The following CEL variants were observed in gnomAD, a reference collection of about 807,000 sequenced individuals.
The protein encoded by CEL is bile salt-activated lipase.
A neutral mutation model predicts 57.1 loss-of-function variants in CEL; 39 were observed. The ratio of observed to expected loss-of-function variants is 0.68; its 90% confidence interval spans 0.53 to 0.89. The LOEUF (loss-of-function observed/expected upper bound fraction) is 0.89, where lower values mean the gene tolerates loss of function less well. Among genes scored for constraint, CEL ranks in the 40% least tolerant of loss-of-function variants. CEL has a pLI of 0.00. For missense variants in CEL, 698 were observed against 915.0 expected (o/e 0.76, Z 3.06); for synonymous variants, 314 against 396.6 (o/e 0.79, Z 2.48).
chr9:133,066,960 G>GGC lies in CEL; in HGVS notation c.777+15_777+16insGC. On this transcript the variant is annotated intron_variant, in intron 6 of 10. Transcript: ENST00000372080. The surrounding 1 kb of genome is among the most constrained non-coding windows in gnomAD (Gnocchi z 4.3). ...GGGCCAAAAAGGTAAACGGAGGAGG[G>GGC]CAGGGCTGGGCGGGGTGGGGGCTGT... 1.4e-6 allele frequency: 2 copies of GGC among 1,400,616 alleles called. No homozygotes were observed. The highest frequency in any genetic ancestry group is 2.0e-6 in the Non-Finnish European group (2 of 989,098). The allele number at this position is 1,400,616 out of a possible 1,614,324, so 86.8% of individuals were successfully genotyped here.
At position 133,068,776 on chromosome 9, in the gene CEL, G is replaced by A; in HGVS notation, c.1000G>A (p.Ala334Thr). 3.2e-6 allele frequency: 5 copies of A among 1,585,882 alleles called. No homozygotes were observed. The South Asian group carries it at 3.4e-5, about 11-fold the overall frequency. ...YANAADIDYIAGTNNMDGHIF... is the reference protein window; with the variant it reads ...YANAADIDYITGTNNMDGHIF... ...CAACGCCGCCGACATCGACTATATA[G>A]CAGGCACCAACAACATGGACGGCCA... The change falls in exon 8 of 11, where the codon GCA becomes ACA. Residue 334 changes from alanine (A) to threonine (T), a missense_variant. Physicochemically the swap from Ala to Thr is moderately conservative, Grantham distance 58. Around this residue, in one of 6 missense-constraint regions of CEL, gnomAD observed 18 missense variants for 81.4 expected, o/e 0.22. Transcript: ENST00000372080.
chr9:133,067,005 C>A, intron 6 of CEL, 60 bp downstream of exon 6: 1 of 1,604,596 alleles, frequency 6.2e-7, no homozygotes. Context: ...CGTTCTTTAT[C>A]CTGGACCCCA....
At position 133,065,229 on chromosome 9, in the gene CEL, A is replaced by G. The variant is rs527704051; in HGVS notation, c.530A>G (p.Asn177Ser). 2.9e-5 allele frequency: 46 copies of G among 1,613,020 alleles called. No homozygotes were observed. Among genetic ancestry groups the G allele is most frequent in the African/African-American group, 8.0e-5 (6 of 74,940 alleles). The change falls in exon 4 of 11, where the codon AAT (asparagine) becomes AGT (serine). Residue 177 changes from asparagine to serine, a missense_variant. Asn to Ser is a conservative substitution (Grantham distance 46). Transcript: ENST00000372080. ...GGGTTCCTCAGCACTGGGGACGCCA[A>G]TCTGCCAGGTGCGTGGGTGCCTTCG... is the stretch of plus-strand genomic sequence containing the variant. ...PLGFLSTGDA[N>S]LPGNYGLRDQ...
chr9:133,067,048 T>C, intron 6 of CEL, 40 bp from the exon 7 acceptor site: 1 of 1,611,522 alleles, frequency 6.2e-7, no homozygotes, highest in Non-Finnish European at 8.5e-7. Flanking sequence ...AGCCCTGAGC[T>C]CCGGCCTCAC....
intron 9 of CEL, among the ~76,000 whole-genome samples, chr9:133,069,740 G>A (rs1830234111): frequency 6.6e-6 from 1 of 152,150 alleles, no homozygotes; most frequent in Non-Finnish European, 1.5e-5. Flanking sequence ...GGAGGTCAAG[G>A]TGGGAGGATC....
intron 1 of CEL, among the ~76,000 whole-genome samples, chr9:133,062,879 C>T (rs1305328935): frequency 6.6e-6 from 1 of 151,466 alleles, no homozygotes; most frequent in African/African-American, 2.4e-5. Context: ...CACCCGGGTC[C>T]GGGTCCCTCC....
rs746003254 is a variant in CEL, at chr9:133,064,687, A to G, written c.265A>G (p.Ile89Val). The G allele has an allele frequency of 3.1e-6, 5 of 1,614,092 alleles. No homozygotes were observed. The highest frequency in any genetic ancestry group is 2.2e-5 in the East Asian group (1 of 44,874). ...NFKKRCLQATITQDSTYGDED... is the reference protein window; with the variant it reads ...NFKKRCLQATVTQDSTYGDED... The stretch of plus-strand genomic sequence containing the variant: ...CAAGAAGAGATGCCTGCAGGCCACC[A>G]TCACCCAGGACAGCACCTACGGGGA... The change falls in exon 3 of 11, where the codon ATC becomes GTC. Residue 89 changes from isoleucine to valine, a missense_variant. Physicochemically the swap from Ile to Val is conservative, Grantham distance 29. Coordinates refer to ENST00000372080, the MANE Select transcript of CEL (RefSeq NM_001807.6).
Position 133,066,983 on chromosome 9 carries a change from T to A in CEL, c.777+38T>A. 6.3e-7 allele frequency: 1 copy of A among 1,597,066 alleles called. No homozygotes were observed. Among genetic ancestry groups the A allele is most frequent in the Non-Finnish European group, 8.6e-7 (1 of 1,164,736 alleles). ...GGGCAGGGCTGGGCGGGGTGGGGGC[T>A]GTCCACATTTCCGTTCTTTATCCTG... is the stretch of plus-strand genomic sequence containing the variant. On this transcript the variant is annotated intron_variant, in intron 6 of 10. Coordinates refer to ENST00000372080, the MANE Select transcript of CEL (RefSeq NM_001807.6). The surrounding 1 kb of genome is among the most constrained non-coding windows in gnomAD (Gnocchi z 4.3).
In CEL at chr9:133,066,413, C is replaced by G; in HGVS notation, c.539-117C>G. ...GACCCACCATTTGCCAACTGGGGCT[C>G]TGCCATGGCCCCAACTCTGTTGAGG... On this transcript the variant is annotated intron_variant, in intron 4 of 10. Transcript: ENST00000372080. This position sits in a 1 kb window ranked among gnomAD's most constrained non-coding sequence, Gnocchi z 4.3. 1 of 1,352,302 alleles carries G rather than the reference C, an allele frequency of 7.4e-7. No individual in the cohort carries two copies. The highest frequency in any genetic ancestry group is 1.2e-5 in the South Asian group (1 of 84,132). The allele number at this position is 1,352,302 out of a possible 1,614,324, so 83.8% of individuals were successfully genotyped here. A position where few individuals can be genotyped will look rare whatever the true frequency, so the allele number is the denominator to read the frequency against.
chr9:133,066,643 G>A lies in CEL; in HGVS notation c.652G>A (p.Ala218Thr). The change falls in exon 5 of 11, where the codon GCC becomes ACC. Residue 218 changes from alanine (A) to threonine (T), a missense_variant. Around this residue, in one of 6 missense-constraint regions of CEL, gnomAD observed 327 missense variants for 374.1 expected, o/e 0.87. Coordinates refer to ENST00000372080, the MANE Select transcript of CEL (RefSeq NM_001807.6). The surrounding 1 kb of genome is among the most constrained non-coding windows in gnomAD (Gnocchi z 4.3). ...GCTCTTCGGGGAGTCTGCTGGAGGTGCCAGCGTCTCTCTGCAGGTCTCGGG... is the reference window on the plus strand; with the variant it reads ...GCTCTTCGGGGAGTCTGCTGGAGGTACCAGCGTCTCTCTGCAGGTCTCGGG... ...ITLFGESAGG[A>T]SVSLQTLSPY... is the part of the protein sequence containing the mutation. 4 of 1,613,604 alleles carry A rather than the reference G, an allele frequency of 2.5e-6. No homozygotes were observed. Among genetic ancestry groups the A allele is most frequent in the Non-Finnish European group, 3.4e-6 (4 of 1,179,920 alleles).
At chr9:133,064,899 C>T (rs1229752075) in intron 3 of CEL, 137 bp downstream of exon 3, 12 of 1,538,636 alleles carry the variant, frequency 7.8e-6, no homozygotes, top group Non-Finnish European at 1.1e-5. Flanking sequence ...CGCCCACTGC[C>T]GTTGCCCAGC....
intron 9 of CEL, among the ~76,000 whole-genome samples, chr9:133,069,999 T>C (rs894525446): frequency 1.3e-5 from 2 of 151,736 alleles, no homozygotes; most frequent in African/African-American, 4.9e-5. Context: ...ATAATAAAAA[T>C]AAAAAATAAG....
rs1276343778 is a variant in CEL, at chr9:133,066,265, C to G, written c.539-265C>G. On this transcript the variant is annotated intron_variant, in intron 4 of 10. Coordinates refer to ENST00000372080, the MANE Select transcript of CEL (RefSeq NM_001807.6). The surrounding 1 kb of genome is among the most constrained non-coding windows in gnomAD (Gnocchi z 4.3). The stretch of plus-strand genomic sequence containing the variant: ...CACACCAACCCAACCTCCTGGGGAC[C>G]CACCCCATACAGCACCGCACCCGAC... 1.3e-5 allele frequency among the ~76,000 whole-genome samples: 2 copies of G among 152,024 alleles called. No individual in the cohort carries two copies. Among genetic ancestry groups the G allele is most frequent in the Non-Finnish European group, 2.9e-5 (2 of 67,998 alleles).
rs914701738 is a variant in CEL at position 133,064,321 on chromosome 9, G to A, written c.67-83G>A. 2.5e-5 allele frequency: 40 copies of A among 1,585,236 alleles called. No homozygotes were observed. The East Asian group carries it at 3.1e-4, about 12-fold the overall frequency. On this transcript the variant is annotated intron_variant, in intron 1 of 10. Transcript: ENST00000372080. ...TGAAGCTGTCTTTGCCTCTGGGCACGCGGAGTCGGCTTGCCTTGCCCCCTC... is the reference window on the plus strand; with the variant it reads ...TGAAGCTGTCTTTGCCTCTGGGCACACGGAGTCGGCTTGCCTTGCCCCCTC...
In CEL at chr9:133,066,559, G is replaced by T. The variant is rs1564211479; in HGVS notation, c.568G>T (p.Ala190Ser). ...GNYGLRDQHM[A>S]IAWVKRNIAA... ...CTATGGCCTTCGGGATCAGCACATG[G>T]CCATTGCTTGGGTGAAGAGGAATAT... Residue 190 changes from alanine (A) to serine (S), a missense_variant, in exon 5 of 11, where the codon GCC becomes TCC. Coordinates refer to ENST00000372080, the MANE Select transcript of CEL (RefSeq NM_001807.6). The surrounding 1 kb of genome is among the most constrained non-coding windows in gnomAD (Gnocchi z 4.3). The T allele has an allele frequency of 3.1e-6, 5 of 1,613,994 alleles. No homozygotes were observed. The highest frequency in any genetic ancestry group is 1.7e-5 in the Admixed American group (1 of 60,028).
intron 4 of CEL, among the ~76,000 whole-genome samples, chr9:133,065,741 G>T (rs1830167249): frequency 6.6e-6 from 1 of 151,722 alleles, no homozygotes; most frequent in Non-Finnish European, 1.5e-5. Flanking sequence ...AGCTACTCGG[G>T]AGGCTGAGGC....
intron 1 of CEL, 121 bp from the exon 2 acceptor site, chr9:133,064,283 A>G: frequency 7.4e-7 from 1 of 1,345,238 alleles, no homozygotes; most frequent in Non-Finnish European, 1.0e-6. Flanking sequence ...TCCTGTGCAG[A>G]GCTGTCCTGC....
Position 133,071,688 on chromosome 9 carries a change from G to A in CEL, c.2186G>A (p.Gly729Asp). 1.2e-6 allele frequency: 2 copies of A among 1,608,206 alleles called. No homozygotes were observed. The highest frequency in any genetic ancestry group is 8.5e-7 in the Non-Finnish European group (1 of 1,177,080). The change falls in exon 11 of 11, where the codon GGT becomes GAT. Residue 729 changes from glycine (G) to aspartate (D), a missense_variant. This residue lies in a region of CEL where 238 missense variants were observed against 213.7 expected (regional missense o/e 1.11). Coordinates refer to ENST00000372080, the MANE Select transcript of CEL (RefSeq NM_001807.6). ...GGGGCCCCCCCTGTGCCCCCCACGGGTGACTCTGAGGCTGCCCCTGTGCCC... is the reference window on the plus strand; with the variant it reads ...GGGGCCCCCCCTGTGCCCCCCACGGATGACTCTGAGGCTGCCCCTGTGCCC... Reference protein sequence around the residue: ...DSGAPPVPPTGDSEAAPVPPT... With the variant: ...DSGAPPVPPTDDSEAAPVPPT...
At chr9:133,062,739 A>G (rs879883592) in intron 1 of CEL, among the ~76,000 whole-genome samples, 3 of 150,640 alleles carry the variant, frequency 2.0e-5, no homozygotes, top group Admixed American at 1.3e-4. Context: ...CAGAAGGGGA[A>G]ACGGGCCCAG....
Sources: allele counts gnomAD v4.1 joint callset (sites outside exome capture counted in the v4.1 genomes callset), GRCh38; gene constraint gnomAD v4.1.1; regional missense constraint gnomAD v4.1.1; non-coding constraint Gnocchi (gnomAD v3.1); transcripts MANE v1.5; gene names NCBI Gene and HGNC (gene_info 2026-07-23, HGNC 2026-07-21).